Variants in CADM2 observed in about 807,000 individuals in gnomAD.
The protein encoded by CADM2 is cell adhesion molecule 2.
In CADM2, 12 loss-of-function variants were observed where a neutral mutation model predicts 49.8. The observed-to-expected ratio is 0.24, with a 90% confidence interval of 0.15 to 0.39. The LOEUF (loss-of-function observed/expected upper bound fraction) is 0.39. Ranked by LOEUF, CADM2 falls within the 10% of genes least tolerant of loss-of-function variation. The probability of loss-of-function intolerance (pLI) is 1.00; values close to 1 mark genes in which losing one functional copy is unlikely to be tolerated. For missense variants in CADM2, 378 were observed against 492.3 expected (o/e 0.77, Z 2.20); for synonymous variants, 214 against 175.4 (o/e 1.22, Z -1.74).
chr3:84,986,429 A>G (rs2032556415), intron 1 of CADM2, among the ~76,000 whole-genome samples: 1 of 152,166 alleles, frequency 6.6e-6, no homozygotes. Context: ...TCAAATGAAT[A>G]TAGAAAGAAG....
intron 3 of CADM2, among the ~76,000 whole-genome samples, chr3:85,835,101 C>T (rs1393302928): frequency 4.0e-5 from 6 of 151,520 alleles, no homozygotes; most frequent in South Asian, 4.1e-4. Flanking sequence ...TCTTGATGGA[C>T]ATCCAACTTG....
chr3:85,705,231 G>GA (rs56832861), intron 1 of CADM2, among the ~76,000 whole-genome samples: 5,231 of 139,750 alleles, frequency 0.037, 226 homozygotes, highest in South Asian at 0.11. Context: ...TTTTCATCAT[G>GA]AAAAAAAAAA....
chr3:85,301,700 G>A (rs1278156534), intron 1 of CADM2, among the ~76,000 whole-genome samples: 1 of 151,964 alleles, frequency 6.6e-6, no homozygotes, highest in Non-Finnish European at 1.5e-5. Context: ...AAAGTACATG[G>A]CATCTGCAGA....
chr3:85,164,880 C>T (rs2040428099), intron 1 of CADM2, among the ~76,000 whole-genome samples: 1 of 151,386 alleles, frequency 6.6e-6, no homozygotes, highest in South Asian at 2.1e-4. Flanking sequence ...GTTTTTTTAA[C>T]AAAACAGTTT....
chr3:85,524,434 T>G (rs906242979), intron 1 of CADM2, among the ~76,000 whole-genome samples: 2 of 152,158 alleles, frequency 1.3e-5, no homozygotes, highest in Non-Finnish European at 2.9e-5. Flanking sequence ...ATATGTTTGC[T>G]ATTTAGTTTT....
At chr3:85,743,719 G>T (rs17023255) in intron 2 of CADM2, among the ~76,000 whole-genome samples, 3 of 151,966 alleles carry the variant, frequency 2.0e-5, no homozygotes, top group African/African-American at 7.3e-5. Flanking sequence ...ACTGAATAGC[G>T]CAAAGAGGCA....
chr3:86,028,176 G>A (rs141634259), intron 8 of CADM2, among the ~76,000 whole-genome samples: 8 of 149,824 alleles, frequency 5.3e-5, no homozygotes, highest in South Asian at 2.1e-4. Flanking sequence ...CGTTGTGCAC[G>A]TGTACCCTAG....
In CADM2 at chr3:85,750,454, T is replaced by A. The variant is rs2068813747; in HGVS notation, c.88+23906T>A. 1.3e-5 allele frequency among the ~76,000 whole-genome samples: 2 copies of A among 152,114 alleles called. 1 individual carries two copies. Among genetic ancestry groups the A allele is most frequent in the Non-Finnish European group, 2.9e-5 (2 of 67,978 alleles). Reference sequence around the variant, plus strand: ...AAAATACAAATATTCTTCCTCTTGTTCCTTGTCATATTGGAAATATTCTAT... The same window carrying A: ...AAAATACAAATATTCTTCCTCTTGTACCTTGTCATATTGGAAATATTCTAT... On this transcript the variant is annotated intron_variant, in intron 2 of 9. Coordinates refer to ENST00000383699, the MANE Select transcript of CADM2 (RefSeq NM_001167675.2).
At chr3:85,216,535 C>T (rs940552548) in intron 1 of CADM2, among the ~76,000 whole-genome samples, 2 of 151,602 alleles carry the variant, frequency 1.3e-5, no homozygotes, top group African/African-American at 4.8e-5. Flanking sequence ...AAGACATGCC[C>T]AGAAAGCCAC....
At chr3:86,022,001 A>T (rs1159777724) in intron 8 of CADM2, among the ~76,000 whole-genome samples, 1 of 152,196 alleles carries the variant, frequency 6.6e-6, no homozygotes, top group East Asian at 1.9e-4. Context: ...ACTCAAAAAA[A>T]GGTAACTGAA....
At chr3:85,419,702 T>G (rs2036081753) in intron 1 of CADM2, among the ~76,000 whole-genome samples, 1 of 152,174 alleles carries the variant, frequency 6.6e-6, no homozygotes, top group South Asian at 2.1e-4. Context: ...ATTTTTCATA[T>G]GTATTGTGTA....
chr3:85,589,413 C>G (rs2063040806), intron 1 of CADM2, among the ~76,000 whole-genome samples: 1 of 152,016 alleles, frequency 6.6e-6, no homozygotes, highest in South Asian at 2.1e-4. Context: ...AGTTCCAGTA[C>G]TGACTAGCTG....
intron 1 of CADM2, among the ~76,000 whole-genome samples, chr3:84,980,417 T>TA (rs1394671828): frequency 6.7e-6 from 1 of 149,590 alleles, no homozygotes; most frequent in African/African-American, 2.4e-5. Context: ...TATTAACAGA[T>TA]AGAAGAGTTT....
chr3:85,932,309 GTTCATT>G (rs552288241), intron 6 of CADM2, among the ~76,000 whole-genome samples: 83 of 152,254 alleles, frequency 5.5e-4, no homozygotes, highest in African/African-American at 1.9e-3. Flanking sequence ...TGGAGACTGA[GTTCATT>G]TTGAATACGT....
At chr3:84,984,439 A>G (rs2032427175) in intron 1 of CADM2, among the ~76,000 whole-genome samples, 1 of 149,128 alleles carries the variant, frequency 6.7e-6, no homozygotes, top group African/African-American at 2.5e-5. Flanking sequence ...TGTTAACTTA[A>G]CTCATAATCT....
chr3:85,326,566 T>G (rs2107130289), intron 1 of CADM2, among the ~76,000 whole-genome samples: 1 of 152,236 alleles, frequency 6.6e-6, no homozygotes, highest in African/African-American at 2.4e-5. Context: ...GATAATAGTA[T>G]CAGAAATGAA....
At chr3:85,195,574 C>CACACA (rs1491190820) in intron 1 of CADM2, among the ~76,000 whole-genome samples, 1 of 147,522 alleles carries the variant, frequency 6.8e-6, no homozygotes, top group African/African-American at 2.5e-5. Context: ...CACACACACA[C>CACACA]ATTTTGTAAT....
At chr3:85,859,616 C>T (rs1447451711) in intron 3 of CADM2, among the ~76,000 whole-genome samples, 1 of 152,130 alleles carries the variant, frequency 6.6e-6, no homozygotes, top group African/African-American at 2.4e-5. Flanking sequence ...CACTCATCCT[C>T]CACCCTCAAA....
At chr3:85,541,880 G>C (rs2061557543) in intron 1 of CADM2, among the ~76,000 whole-genome samples, 1 of 149,996 alleles carries the variant, frequency 6.7e-6, no homozygotes, top group African/African-American at 2.5e-5. Context: ...TAGAAAAAAA[G>C]TAGGCAGAAA....
Sources: allele counts gnomAD v4.1 joint callset (sites outside exome capture counted in the v4.1 genomes callset), GRCh38; gene constraint gnomAD v4.1.1; transcripts MANE v1.5; gene names NCBI Gene and HGNC (gene_info 2026-07-23, HGNC 2026-07-21).